Variants in KCNQ2 observed in about 807,000 individuals in gnomAD.
KCNQ2 encodes potassium voltage-gated channel subfamily KQT member 2.
KCNQ2 carries 14 observed loss-of-function variants against 84.8 expected under a neutral mutation model. That is an observed-to-expected ratio of 0.17 (90% CI 0.11 to 0.26). KCNQ2 has a LOEUF of 0.26. Ranked by LOEUF, KCNQ2 falls within the 10% of genes least tolerant of loss-of-function variation. The pLI is 1.00. For synonymous variants in KCNQ2, 599 were observed against 554.1 expected (o/e 1.08, Z -1.14); for missense variants, 788 against 1,254.0 (o/e 0.63, Z 5.61).
chr20:63,458,089 C>T (rs1373524426), intron 1 of KCNQ2, among the ~76,000 whole-genome samples: 1 of 152,048 alleles, frequency 6.6e-6, no homozygotes, highest in African/African-American at 2.4e-5. Flanking sequence ...CTGGCCCGCC[C>T]TCCCCGACCC....
intron 1 of KCNQ2, among the ~76,000 whole-genome samples, chr20:63,462,704 T>C (rs984784539): frequency 5.9e-5 from 9 of 152,218 alleles, no homozygotes; most frequent in Admixed American, 5.2e-4. Flanking sequence ...AAGATGTGCA[T>C]GGAGCCCCAC....
chr20:63,423,881 T>C (rs2080548241), intron 11 of KCNQ2: 4 of 492,766 alleles, frequency 8.1e-6, no homozygotes, highest in East Asian at 7.4e-5. Flanking sequence ...CCGAGAACCC[T>C]GGGGCCAGAC....
At chr20:63,452,210 T>G (rs1007394761) in intron 1 of KCNQ2, among the ~76,000 whole-genome samples, 2 of 152,200 alleles carry the variant, frequency 1.3e-5, no homozygotes, top group Non-Finnish European at 2.9e-5. Flanking sequence ...ATGTGAAAAC[T>G]GTCAGCATCT....
At chr20:63,442,830 T>TCACCACCACCAC (rs747940691) in intron 4 of KCNQ2, among the ~76,000 whole-genome samples, 9 of 20,502 alleles carry the variant, frequency 4.4e-4, no homozygotes, top group Admixed American at 5.2e-4. Flanking sequence ...ACCATCACCA[T>TCACCACCACCAC]CACCACCACC....
At chr20:63,410,024 A>G (rs2080073516) in intron 15 of KCNQ2, 2 of 281,360 alleles carry the variant, frequency 7.1e-6, no homozygotes, top group Admixed American at 5.2e-5. Flanking sequence ...TGCGAGAAAC[A>G]GAGAGGGTTT....
Position 63,422,118 on chromosome 20 carries a change from G to A in KCNQ2, c.1247+2059C>T, listed in dbSNP as rs552147835. The stretch of plus-strand genomic sequence containing the variant: ...CGGGCTCCACCTCCAAAGGGCAGGC[G>A]GAGGCACAGGTCCCACCAGACTCAC... On this transcript the variant is annotated intron_variant, in intron 11 of 16. Coordinates refer to ENST00000359125, the MANE Select transcript of KCNQ2 (RefSeq NM_172107.4). Among the ~76,000 whole-genome samples, 57 of 152,276 alleles carry A rather than the reference G, an allele frequency of 3.7e-4. 1 individual carries two copies. Among genetic ancestry groups the A allele is most frequent in the Admixed American group, 1.1e-3 (17 of 15,300 alleles).
chr20:63,457,145 A>G (rs2081823122), intron 1 of KCNQ2, among the ~76,000 whole-genome samples: 1 of 152,148 alleles, frequency 6.6e-6, no homozygotes, highest in Non-Finnish European at 1.5e-5. Context: ...GCATGAACCA[A>G]GCGTGATGGA....
intron 11 of KCNQ2, among the ~76,000 whole-genome samples, chr20:63,422,068 C>T (rs2080487461): frequency 6.6e-6 from 1 of 152,148 alleles, no homozygotes; most frequent in Non-Finnish European, 1.5e-5. Flanking sequence ...CAGCTGACAC[C>T]AGCGGGGTCC....
chr20:63,426,012 G>T (rs1490560930), intron 10 of KCNQ2, among the ~76,000 whole-genome samples: 1 of 152,186 alleles, frequency 6.6e-6, no homozygotes, highest in Non-Finnish European at 1.5e-5. Flanking sequence ...ACGCTCCTCG[G>T]GGGCTCTCAG....
intron 1 of KCNQ2, among the ~76,000 whole-genome samples, chr20:63,462,218 G>A (rs1317595508): frequency 7.2e-6 from 1 of 139,024 alleles, no homozygotes; most frequent in African/African-American, 2.8e-5. Context: ...CAGGGAGGAG[G>A]CTGCATCTAC....
At chr20:63,426,130 C>T (rs1184198439) in intron 10 of KCNQ2, among the ~76,000 whole-genome samples, 2 of 152,242 alleles carry the variant, frequency 1.3e-5, no homozygotes, top group African/African-American at 4.8e-5. Flanking sequence ...TGCAGACTCC[C>T]GAAGTTCGAT....
In KCNQ2 at chr20:63,406,620, C is replaced by T. The variant is rs778577821; in HGVS notation, c.*24G>A. ...GCACCGTGCTGAGGAGGGCCGCGGG[C>T]GGGTCCACTGGCCCAGCGCCGCCTC... On this transcript the variant is annotated 3_prime_UTR_variant, in exon 17 of 17. Coordinates refer to ENST00000359125, the MANE Select transcript of KCNQ2 (RefSeq NM_172107.4). 8.9e-6 allele frequency: 14 copies of T among 1,572,842 alleles called. No homozygotes were observed. Among genetic ancestry groups the T allele is most frequent in the South Asian group, 4.5e-5 (4 of 88,106 alleles).
rs574670109 is a variant in KCNQ2 at position 63,438,052 on chromosome 20, C to A, written c.1023+573G>T. 6.6e-6 allele frequency among the ~76,000 whole-genome samples: 1 copy of A among 152,222 alleles called. No homozygotes were observed. Among genetic ancestry groups the A allele is most frequent in the Non-Finnish European group, 1.5e-5 (1 of 68,036 alleles). On this transcript the variant is annotated intron_variant, in intron 7 of 16. Coordinates refer to ENST00000359125, the MANE Select transcript of KCNQ2 (RefSeq NM_172107.4). This position sits in a 1 kb window ranked among gnomAD's most constrained non-coding sequence, Gnocchi z 5.1. ...CTTGATTTCCTGACCTCGTGATCCT[C>A]CCACCTCGGCCTCCCAAAGTGCTGG...
chr20:63,443,017 C>A, intron 4 of KCNQ2, among the ~76,000 whole-genome samples: 1 of 94,890 alleles, frequency 1.1e-5, no homozygotes, highest in Non-Finnish European at 2.1e-5. Flanking sequence ...TCACCATCAC[C>A]ACCACCATCA....
At chr20:63,443,307 CCATCAT>C (rs1568937132) in intron 4 of KCNQ2, among the ~76,000 whole-genome samples, 2 of 89,272 alleles carry the variant, frequency 2.2e-5, no homozygotes, top group Non-Finnish European at 4.9e-5. Context: ...ACCACCATCA[CCATCAT>C]CACCACCACC....
At chr20:63,442,326 A>G (rs2081184344) in intron 5 of KCNQ2, 80 bp downstream of exon 5, 1 of 1,598,220 alleles carries the variant, frequency 6.3e-7, no homozygotes, top group African/African-American at 1.3e-5. Flanking sequence ...GAGCAGGCTC[A>G]GCCAGTGAGA....
intron 1 of KCNQ2, chr20:63,458,879 G>A (rs1028163636): frequency 6.6e-6 from 1 of 152,342 alleles, no homozygotes; most frequent in South Asian, 2.1e-4. Flanking sequence ...TCCGGGAGGG[G>A]GCCTGTGTGG....
chr20:63,455,037 C>A (rs2081737904), intron 1 of KCNQ2, among the ~76,000 whole-genome samples: 1 of 152,222 alleles, frequency 6.6e-6, no homozygotes, highest in Non-Finnish European at 1.5e-5. Context: ...CCCCCTCCTG[C>A]CCAGGCAGCG....
At chr20:63,443,221 TCAC>T (rs1276317655) in intron 4 of KCNQ2, among the ~76,000 whole-genome samples, 91 of 42,538 alleles carry the variant, frequency 2.1e-3, no homozygotes, top group African/African-American at 8.0e-3. Context: ...ACCACCATGA[TCAC>T]CACCATCACC....
Sources: allele counts gnomAD v4.1 joint callset (sites outside exome capture counted in the v4.1 genomes callset), GRCh38; gene constraint gnomAD v4.1.1; non-coding constraint Gnocchi (gnomAD v3.1); transcripts MANE v1.5; gene names NCBI Gene and HGNC (gene_info 2026-07-23, HGNC 2026-07-21).